Variants in LIMCH1 observed in about 807,000 individuals in gnomAD.
LIMCH1 encodes the protein LIM and calponin homology domains-containing protein 1.
LIMCH1 carries 113 observed loss-of-function variants against 176.5 expected under a neutral mutation model. That is an observed-to-expected ratio of 0.64 (90% CI 0.55 to 0.75). The LOEUF is 0.75. Ranked by LOEUF, LIMCH1 falls within the 30% of genes least tolerant of loss-of-function variation. The probability of loss-of-function intolerance (pLI) is 0.00; values close to 1 mark genes in which losing one functional copy is unlikely to be tolerated. For missense variants in LIMCH1, 1,674 were observed against 1,814.9 expected, an observed-to-expected ratio of 0.92 and a Z score of 1.41; for synonymous variants, 619 against 645.9, an observed-to-expected ratio of 0.96 and a Z score of 0.63.
At chr4:41,432,429 A>T (rs1354450133) in intron 1 of LIMCH1, among the ~76,000 whole-genome samples, 1 of 152,190 alleles carries the variant, frequency 6.6e-6, no homozygotes, top group Non-Finnish European at 1.5e-5. Context: ...GTGGCCCCTG[A>T]TCTGCATCCC....
chr4:41,481,368 G>A (rs1430695120), intron 1 of LIMCH1, among the ~76,000 whole-genome samples: 1 of 152,220 alleles, frequency 6.6e-6, no homozygotes, highest in Non-Finnish European at 1.5e-5. Flanking sequence ...AAGGAGAACT[G>A]AGTCTGGACT....
chr4:41,568,517 T>C (rs1389107709), intron 1 of LIMCH1, among the ~76,000 whole-genome samples: 2 of 152,218 alleles, frequency 1.3e-5, no homozygotes, highest in Non-Finnish European at 2.9e-5. Context: ...TTTTTGGATC[T>C]AGATTTCTTC....
chr4:41,693,599 TAC>T (rs1478270680), intron 31 of LIMCH1, among the ~76,000 whole-genome samples: 1 of 150,606 alleles, frequency 6.6e-6, no homozygotes, highest in African/African-American at 2.4e-5. Flanking sequence ...CATAAATATA[TAC>T]ACACAAATTA....
At chr4:41,672,609 G>T (rs935371753) in intron 22 of LIMCH1, among the ~76,000 whole-genome samples, 5 of 152,098 alleles carry the variant, frequency 3.3e-5, no homozygotes, top group Non-Finnish European at 7.4e-5. Context: ...TTTCTATTTT[G>T]TATTTTAATG....
At chr4:41,627,071 G>A in intron 8 of LIMCH1, 61 bp downstream of exon 8, 1 of 1,472,864 alleles carries the variant, frequency 6.8e-7, no homozygotes, top group Non-Finnish European at 9.0e-7. Flanking sequence ...AGAGACACAG[G>A]GAGAGAGGAC....
chr4:41,423,156 G>A (rs1042863316), intron 1 of LIMCH1, among the ~76,000 whole-genome samples: 3 of 152,136 alleles, frequency 2.0e-5, no homozygotes, highest in African/African-American at 7.2e-5. Flanking sequence ...CATTCATGGG[G>A]TGCTTGATAA....
At chr4:41,487,653 CTTTTTTTTTTTT>C (rs149754932) in intron 1 of LIMCH1, among the ~76,000 whole-genome samples, 30 of 108,148 alleles carry the variant, frequency 2.8e-4, no homozygotes, top group South Asian at 6.2e-4. Flanking sequence ...TTTTTATATT[CTTTTTTTTTTTT>C]TTTTTTTTTT....
At chr4:41,608,766 T>G (rs2091054110) in intron 4 of LIMCH1, among the ~76,000 whole-genome samples, 1 of 152,108 alleles carries the variant, frequency 6.6e-6, no homozygotes, top group African/African-American at 2.4e-5. Context: ...AAGTGGCACT[T>G]CAGCTGAACA....
chr4:41,628,055 C>T (rs1271357733), intron 8 of LIMCH1, among the ~76,000 whole-genome samples: 1 of 152,140 alleles, frequency 6.6e-6, no homozygotes, highest in Non-Finnish European at 1.5e-5. Flanking sequence ...AAGAGAAAAT[C>T]TGGCATCATT....
At chr4:41,653,740 T>A (rs909773443) in intron 18 of LIMCH1, among the ~76,000 whole-genome samples, 1 of 152,260 alleles carries the variant, frequency 6.6e-6, no homozygotes, top group Non-Finnish European at 1.5e-5. Context: ...AGCGTCAGCA[T>A]CTGGGCCCGG....
At chr4:41,632,292 A>G (rs1046252195) in intron 10 of LIMCH1, among the ~76,000 whole-genome samples, 2 of 152,212 alleles carry the variant, frequency 1.3e-5, no homozygotes, top group African/African-American at 4.8e-5. Context: ...ATTCTTCTTT[A>G]TACCTTGCCC....
chr4:41,539,888 C>T (rs1351844310), intron 1 of LIMCH1, among the ~76,000 whole-genome samples: 5 of 152,216 alleles, frequency 3.3e-5, no homozygotes, highest in African/African-American at 1.2e-4. Context: ...GGAACAGTGA[C>T]CATGGCTGTT....
intron 23 of LIMCH1, 37 bp from the exon 24 acceptor site, chr4:41,679,969 G>A (rs746947939): frequency 7.1e-6 from 10 of 1,413,476 alleles, no homozygotes; most frequent in Non-Finnish European, 8.9e-6. Flanking sequence ...CGTATGCAAT[G>A]GTCAGTTGAG....
Position 41,633,744 on chromosome 4 carries a change from G to T in LIMCH1, c.2026G>T (p.Val676Phe). 1 of 1,536,198 alleles carries T rather than the reference G, an allele frequency of 6.5e-7. No homozygotes were observed. Among genetic ancestry groups the T allele is most frequent in the East Asian group, 2.4e-5 (1 of 40,922 alleles). The stretch of plus-strand genomic sequence containing the variant: ...ATCCAACCCAAACCAGTTCCTTCCA[G>T]TTCCATTTGCAAAGCAACAGGATGT... ...TGSNPNQFLP[V>F]PFAKQQDVEE... Residue 676 changes from valine (V) to phenylalanine (F), a missense_variant, in exon 13 of 32, where the codon GTT (valine) becomes TTT (phenylalanine). Transcript: ENST00000503057.
In LIMCH1 at chr4:41,650,531, C is replaced by G. The variant is rs887466469; in HGVS notation, c.2959C>G (p.Pro987Ala). 16 of 1,614,070 alleles carry G rather than the reference C, an allele frequency of 9.9e-6. No individual in the cohort carries two copies. Among genetic ancestry groups the G allele is most frequent in the Non-Finnish European group, 1.4e-5 (16 of 1,180,014 alleles). The change falls in exon 18 of 32, where the codon CCA becomes GCA. Residue 987 changes from proline to alanine, a missense_variant. Coordinates refer to ENST00000503057, the MANE Select transcript of LIMCH1 (RefSeq NM_001330672.2). Reference protein sequence around the residue: ...FEGVARVHGSPLELKQDNGSI... With the variant: ...FEGVARVHGSALELKQDNGSI... Reference sequence around the variant, plus strand: ...AGGTGTGGCCAGAGTGCACGGGTCTCCACTGGAGCTGAAACAAGACAACGG... The same window carrying G: ...AGGTGTGGCCAGAGTGCACGGGTCTGCACTGGAGCTGAAACAAGACAACGG...
At chr4:41,389,608 A>T (rs2056967040) in intron 1 of LIMCH1, 1 of 152,492 alleles carries the variant, frequency 6.6e-6, no homozygotes, top group African/African-American at 2.4e-5. Flanking sequence ...AGAGGAAAAT[A>T]TTTCAGTGAA....
At chr4:41,577,606 T>G (rs2084705983) in intron 1 of LIMCH1, among the ~76,000 whole-genome samples, 1 of 152,032 alleles carries the variant, frequency 6.6e-6, no homozygotes, top group Non-Finnish European at 1.5e-5. Context: ...GTTTTAAAAT[T>G]TTTTGTAGAG....
rs71198665 is a variant in LIMCH1 at position 41,514,005 on chromosome 4, TAAAAAAAAAAAAAAAAAAAAAA to T, written c.168-10383_168-10362del. 3.8e-3 allele frequency among the ~76,000 whole-genome samples: 183 copies of T among 48,530 alleles called. 1 individual carries two copies. Among genetic ancestry groups the T allele is most frequent in the African/African-American group, 6.9e-3 (107 of 15,584 alleles). The allele number at this position is 48,530 out of a possible 152,430, so 31.8% of individuals were successfully genotyped here. ...TGGGTGATAGAGAGAGACTCCGTCT[TAAAAAAAAAAAAAAAAAAAAAA>T]AAAAAAAAAAAAAAAAAAAATTATT... On this transcript the variant is annotated intron_variant, in intron 2 of 26. Coordinates refer to the LIMCH1 transcript ENST00000313860.
At chr4:41,561,190 C>G (rs2082021649) in intron 1 of LIMCH1, among the ~76,000 whole-genome samples, 1 of 152,186 alleles carries the variant, frequency 6.6e-6, no homozygotes, top group African/African-American at 2.4e-5. Flanking sequence ...GGAAAAGAAA[C>G]AATACTGTGC....
Sources: gnomAD v4.1 joint callset for allele counts (sites outside exome capture counted in the v4.1 genomes callset) on GRCh38, gnomAD v4.1.1 for gene constraint, MANE v1.5 for transcripts, NCBI Gene and HGNC (gene_info 2026-07-23, HGNC 2026-07-21) for gene names.